Variants in BBS9 observed in about 807,000 individuals in gnomAD.
BBS9 encodes the protein Bardet-Biedl syndrome 9.
Under a neutral mutation model 117.7 loss-of-function variants are expected in BBS9, and 89 were observed. That is an observed-to-expected ratio of 0.76 (90% CI 0.64 to 0.90). BBS9 has a LOEUF of 0.90. Among genes scored for constraint, BBS9 ranks in the 40% least tolerant of loss-of-function variants. The pLI is 0.00. For missense variants in BBS9, 982 were observed against 1,042.2 expected (o/e 0.94, Z 0.80); for synonymous variants, 379 against 370.9 (o/e 1.02, Z -0.25).
intron 6 of BBS9, among the ~76,000 whole-genome samples, chr7:33,259,358 A>G (rs1293959049): frequency 6.6e-6 from 1 of 152,194 alleles, no homozygotes. Flanking sequence ...TCACCTGGAC[A>G]GCCTGTTATA....
At chr7:33,297,730 A>G (rs890519511) in intron 9 of BBS9, among the ~76,000 whole-genome samples, 2 of 152,192 alleles carry the variant, frequency 1.3e-5, no homozygotes, top group Non-Finnish European at 2.9e-5. Context: ...AAAAGCAGGC[A>G]TTTGATAATA....
Position 33,338,333 on chromosome 7 carries a change from A to G in BBS9, c.1198+1711A>G, listed in dbSNP as rs374485269. On this transcript the variant is annotated intron_variant, in intron 10 of 22. Coordinates refer to ENST00000242067, the MANE Select transcript of BBS9 (RefSeq NM_198428.3). ...CCATGGTATGTTTGTTTATTAAAAT[A>G]CCTGTAATTAATAAAAGCACAAAAT... Among the ~76,000 whole-genome samples, 6 of 152,270 alleles carry G rather than the reference A, an allele frequency of 3.9e-5. No homozygotes were observed. The East Asian group carries it at 1.2e-3, about 29-fold the overall frequency.
At chr7:33,149,554 T>G (rs560340788) in intron 2 of BBS9, among the ~76,000 whole-genome samples, 3 of 152,266 alleles carry the variant, frequency 2.0e-5, no homozygotes, top group South Asian at 4.1e-4. Context: ...TTGAGAGAGA[T>G]AGTGAGAATG....
At chr7:33,155,761 G>A in intron 4 of BBS9, 59 bp downstream of exon 4, 1 of 978,136 alleles carries the variant, frequency 1.0e-6, no homozygotes, top group Admixed American at 1.8e-5. Flanking sequence ...AATGTTATAT[G>A]AGAATAGATA....
chr7:33,168,855 A>C (rs913944849), intron 4 of BBS9, among the ~76,000 whole-genome samples: 2 of 151,974 alleles, frequency 1.3e-5, no homozygotes, highest in African/African-American at 4.8e-5. Flanking sequence ...ACATGTGCAC[A>C]TTGTGCAGGT....
chr7:33,486,297 G>T (rs1843107792), intron 19 of BBS9, among the ~76,000 whole-genome samples: 1 of 152,212 alleles, frequency 6.6e-6, no homozygotes, highest in Admixed American at 6.5e-5. Flanking sequence ...CCTCCTGATG[G>T]ATGTGTGGGT....
chr7:33,577,240 A>G (rs1364902761), intron 21 of BBS9, among the ~76,000 whole-genome samples: 1 of 152,236 alleles, frequency 6.6e-6, no homozygotes. Context: ...AAGTGGGCAA[A>G]GGATATGAAC....
intron 21 of BBS9, among the ~76,000 whole-genome samples, chr7:33,570,352 A>T (rs1450154675): frequency 1.3e-5 from 2 of 152,206 alleles, no homozygotes; most frequent in African/African-American, 4.8e-5. Flanking sequence ...TTGAGCAACA[A>T]AACAAATAAT....
intron 21 of BBS9, among the ~76,000 whole-genome samples, chr7:33,569,232 G>C (rs377227134): frequency 6.6e-6 from 1 of 152,090 alleles, no homozygotes; most frequent in South Asian, 2.1e-4. Context: ...CAAACGCTTC[G>C]CTCAAGTTAG....
At chr7:33,567,686 A>C (rs914459783) in intron 21 of BBS9, among the ~76,000 whole-genome samples, 1 of 152,136 alleles carries the variant, frequency 6.6e-6, no homozygotes, top group African/African-American at 2.4e-5. Context: ...CTTCTCTCCC[A>C]AGCTCTAGAT....
intron 5 of BBS9, among the ~76,000 whole-genome samples, chr7:33,198,324 T>G (rs1026785676): frequency 6.6e-6 from 1 of 152,002 alleles, no homozygotes; most frequent in African/African-American, 2.4e-5. Context: ...AGCTGGTTGA[T>G]TAAGTCCTAT....
chr7:33,401,559 G>T (rs186735784), intron 19 of BBS9, among the ~76,000 whole-genome samples: 1 of 152,112 alleles, frequency 6.6e-6, no homozygotes, highest in Non-Finnish European at 1.5e-5. Context: ...TTGAAGGGGT[G>T]GGGGGCAGGG....
chr7:33,584,887 C>G (rs1376799788), intron 21 of BBS9, among the ~76,000 whole-genome samples: 1 of 152,062 alleles, frequency 6.6e-6, no homozygotes, highest in African/African-American at 2.4e-5. Context: ...ATGCCAAGTT[C>G]CCTTCCCTAA....
chr7:33,624,248 G>A (rs1406405100), intron 21 of BBS9, among the ~76,000 whole-genome samples: 1 of 152,046 alleles, frequency 6.6e-6, no homozygotes, highest in African/African-American at 2.4e-5. Context: ...ATACTATACT[G>A]AATATGACTT....
At chr7:33,368,577 T>TACACAC (rs201655079) in intron 17 of BBS9, among the ~76,000 whole-genome samples, 1,778 of 128,430 alleles carry the variant, frequency 0.014, 34 homozygotes, top group African/African-American at 0.036. Flanking sequence ...GAGAAAAAAG[T>TACACAC]ACACACACAC....
intron 11 of BBS9, among the ~76,000 whole-genome samples, chr7:33,344,239 G>GC (rs1013962540): frequency 6.6e-6 from 1 of 151,320 alleles, no homozygotes; most frequent in Non-Finnish European, 1.5e-5. Flanking sequence ...CCGCCACCGG[G>GC]CCCGGCTAAT....
At chr7:33,562,692 G>A (rs938183040) in intron 21 of BBS9, among the ~76,000 whole-genome samples, 1 of 152,196 alleles carries the variant, frequency 6.6e-6, no homozygotes, top group Non-Finnish European at 1.5e-5. Context: ...TTGAGAGGCC[G>A]AGGTGGGTGG....
chr7:33,166,925 A>T (rs1795796944), intron 4 of BBS9, among the ~76,000 whole-genome samples: 1 of 152,212 alleles, frequency 6.6e-6, no homozygotes, highest in African/African-American at 2.4e-5. Flanking sequence ...TGAACCAGGT[A>T]GCTCAGTTGG....
intron 19 of BBS9, among the ~76,000 whole-genome samples, chr7:33,404,635 G>T (rs1460350778): frequency 6.7e-6 from 1 of 149,628 alleles, no homozygotes; most frequent in African/African-American, 2.5e-5. Flanking sequence ...TCATGATTTG[G>T]CTCTCTGTTT....
Sources: gnomAD v4.1 joint callset for allele counts (sites outside exome capture counted in the v4.1 genomes callset) on GRCh38, gnomAD v4.1.1 for gene constraint, MANE v1.5 for transcripts, NCBI Gene and HGNC (gene_info 2026-07-23, HGNC 2026-07-21) for gene names.